The following KLHL22 variants were observed in gnomAD, a reference collection of about 807,000 sequenced individuals.
KLHL22 encodes kelch-like protein 22.
In KLHL22, 18 loss-of-function variants were observed where a neutral mutation model predicts 60.7. That is an observed-to-expected ratio of 0.30 (90% CI 0.20 to 0.44). The LOEUF is 0.44. Ranked by LOEUF, KLHL22 falls within the 20% of genes least tolerant of loss-of-function variation. The pLI, the probability that KLHL22 is intolerant of heterozygous loss-of-function variation, is 1.00. For synonymous variants in KLHL22, 355 were observed against 354.5 expected, an observed-to-expected ratio of 1.00 and a Z score of -0.01; for missense variants, 596 against 852.3, an observed-to-expected ratio of 0.70 and a Z score of 3.74.
chr22:20,488,705 A>T, intron 2 of KLHL22: 1 of 507,220 alleles, frequency 2.0e-6, no homozygotes, highest in Non-Finnish European at 3.6e-6. Context: ...AGAAAGGAGG[A>T]AAGAAAAGAG....
chr22:20,470,771 C>CACAG, intron 3 of KLHL22, among the ~76,000 whole-genome samples: 1 of 56,574 alleles, frequency 1.8e-5, no homozygotes, highest in South Asian at 6.3e-4. Flanking sequence ...TGGATGCATG[C>CACAG]ATGGATGGAT....
chr22:20,490,737 C>T (rs1345004685), intron 1 of KLHL22, among the ~76,000 whole-genome samples: 2 of 152,208 alleles, frequency 1.3e-5, no homozygotes, highest in African/African-American at 4.8e-5. Flanking sequence ...CCCTCACATG[C>T]ATGGTTCACA....
intron 1 of KLHL22, chr22:20,492,025 TATG>T (rs947178856): frequency 2.0e-5 from 3 of 152,396 alleles, no homozygotes; most frequent in East Asian, 1.9e-4. Flanking sequence ...AACTCTGCTC[TATG>T]ATAATTCTCC....
intron 2 of KLHL22, chr22:20,482,752 T>TG (rs2053524784): frequency 2.6e-6 from 2 of 755,450 alleles, no homozygotes; most frequent in Non-Finnish European, 4.4e-6. Context: ...TTTGTATTTT[T>TG]TTTTGACCTC....
chr22:20,473,281 C>T (rs1461515487), intron 2 of KLHL22, among the ~76,000 whole-genome samples: 1 of 152,140 alleles, frequency 6.6e-6, no homozygotes, highest in African/African-American at 2.4e-5. Context: ...AGAGAACCTA[C>T]TGACAGACTG....
At chr22:20,493,611 C>A (rs961007240) in intron 1 of KLHL22, among the ~76,000 whole-genome samples, 1 of 152,118 alleles carries the variant, frequency 6.6e-6, no homozygotes, top group Non-Finnish European at 1.5e-5. Flanking sequence ...GAAACCCCAT[C>A]TCTACTAAAA....
intron 5 of KLHL22, chr22:20,451,949 A>C (rs2052985991): frequency 1.2e-6 from 1 of 830,992 alleles, no homozygotes; most frequent in African/African-American, 1.7e-5. Context: ...GCACCAGTGC[A>C]GTGATGATTG....
At position 20,443,537 on chromosome 22, in the gene KLHL22, A is replaced by G. The variant is rs577726244; in HGVS notation, c.1540-1099T>C. 1.3e-4 allele frequency among the ~76,000 whole-genome samples: 20 copies of G among 151,020 alleles called. 1 individual carries two copies. The South Asian group carries it at 2.1e-3, about 16-fold the overall frequency. On this transcript the variant is annotated intron_variant, in intron 6 of 6. Transcript: ENST00000328879. ...GGGCTGATCACAAGGTCAAGAGATC[A>G]AGACCATCCTGGCCAACATGGTGAA... is the stretch of plus-strand genomic sequence containing the variant.
chr22:20,448,596 G>C (rs1249843703), intron 5 of KLHL22, among the ~76,000 whole-genome samples: 1 of 152,110 alleles, frequency 6.6e-6, no homozygotes, highest in Non-Finnish European at 1.5e-5. Context: ...ACAGGGTCTT[G>C]GTCTATTGCC....
At chr22:20,477,027 T>G (rs1005807206) in intron 2 of KLHL22, among the ~76,000 whole-genome samples, 2 of 150,404 alleles carry the variant, frequency 1.3e-5, no homozygotes, top group Non-Finnish European at 3.0e-5. Flanking sequence ...TTTACCATTT[T>G]AAGAAAAAAA....
chr22:20,488,619 A>T (rs1449936676), intron 2 of KLHL22: 1 of 280,426 alleles, frequency 3.6e-6, no homozygotes, highest in Non-Finnish European at 6.9e-6. Context: ...GAGGGATGAG[A>T]GGTGTGAGCC....
At position 20,489,099 on chromosome 22, in the gene KLHL22, C is replaced by T. The variant is rs145507709; in HGVS notation, c.113G>A (p.Arg38Gln). Residue 38 changes from arginine to glutamine, a missense_variant, in exon 2 of 7, where the codon CGA becomes CAA. Coordinates refer to ENST00000328879, the MANE Select transcript of KLHL22 (RefSeq NM_032775.4). ...RSAQHSQALL[R>Q]GLLALRDSGI... ...GCTGTCCCGGAGAGCCAGCAGCCCT[C>T]GGAGCAGAGCCTGGGAGTGCTGTGC... is the stretch of plus-strand genomic sequence containing the variant. The T allele has an allele frequency of 1.4e-4, 233 of 1,614,124 alleles. 2 individuals carry two copies. Among genetic ancestry groups the T allele is most frequent in the Middle Eastern group, 1.3e-3 (8 of 6,062 alleles).
chr22:20,480,598 T>C (rs78137535), intron 2 of KLHL22, among the ~76,000 whole-genome samples: 441 of 152,204 alleles, frequency 2.9e-3, no homozygotes, highest in African/African-American at 0.01. Flanking sequence ...CCAAACTCTT[T>C]AAATCAAGTG....
intron 4 of KLHL22, among the ~76,000 whole-genome samples, chr22:20,463,753 C>G (rs1039689097): frequency 4.6e-5 from 7 of 152,188 alleles, no homozygotes; most frequent in Admixed American, 4.6e-4. Flanking sequence ...TATTTAACCA[C>G]AATGTGTTAT....
intron 5 of KLHL22, chr22:20,451,512 T>A: frequency 6.3e-7 from 1 of 1,599,056 alleles, no homozygotes; most frequent in Non-Finnish European, 8.6e-7. Context: ...AGCGTTCTGG[T>A]GCAGGAGTAG....
chr22:20,473,696 A>G (rs1317922443), intron 2 of KLHL22, among the ~76,000 whole-genome samples: 3 of 152,090 alleles, frequency 2.0e-5, no homozygotes, highest in Non-Finnish European at 4.4e-5. Context: ...ACCAACATGG[A>G]GAAACCCCAT....
At position 20,465,343 on chromosome 22, in the gene KLHL22, G is replaced by A. The variant is rs1291559106; in HGVS notation, c.627C>T (p.Cys209=). The change falls in exon 4 of 7, where the codon TGC becomes TGT. Residue 209 remains cysteine (C), a synonymous_variant. Transcript: ENST00000328879. This position sits in a 1 kb window ranked among gnomAD's most constrained non-coding sequence, Gnocchi z 4.9. ...GGGCCCCCTCATATACCTCGGTCTCGCAGGAGACCTCCAGGCGATTGCTGC... is the reference window on the plus strand; with the variant it reads ...GGGCCCCCTCATATACCTCGGTCTCACAGGAGACCTCCAGGCGATTGCTGC... ...LLSSNRLEVS[C]ETEVYEGALL... The A allele has an allele frequency of 4.3e-6, 7 of 1,613,670 alleles. No homozygotes were observed. Among genetic ancestry groups the A allele is most frequent in the African/African-American group, 2.7e-5 (2 of 74,914 alleles).
chr22:20,462,436 T>G (rs1366758430), intron 4 of KLHL22, among the ~76,000 whole-genome samples: 1 of 151,920 alleles, frequency 6.6e-6, no homozygotes, highest in Non-Finnish European at 1.5e-5. Context: ...TTCACCGAAG[T>G]CTAAAACTCC....
rs561211607 is a variant in KLHL22, at chr22:20,441,864, G to A, written c.*209C>T. The stretch of plus-strand genomic sequence containing the variant: ...TTTCAGAAGCAGTTCCTGCAGTGAC[G>A]TAATCCACAGCCTGGGATCTGCATG... On this transcript the variant is annotated 3_prime_UTR_variant, in exon 7 of 7. Coordinates refer to ENST00000328879, the MANE Select transcript of KLHL22 (RefSeq NM_032775.4). 9 of 437,798 alleles carry A rather than the reference G, an allele frequency of 2.1e-5. No individual in the cohort carries two copies. Among genetic ancestry groups the A allele is most frequent in the Non-Finnish European group, 3.1e-5 (8 of 254,346 alleles). 27.1% of individuals were successfully genotyped at this position (437,798 alleles called of 1,614,324 possible).
Sources: allele counts gnomAD v4.1 joint callset (sites outside exome capture counted in the v4.1 genomes callset), GRCh38; gene constraint gnomAD v4.1.1; non-coding constraint Gnocchi (gnomAD v3.1); transcripts MANE v1.5; gene names NCBI Gene and HGNC (gene_info 2026-07-23, HGNC 2026-07-21).